SAP130: variants seen among roughly 807,000 people sequenced by gnomAD.
The protein encoded by SAP130 is histone deacetylase complex subunit SAP130.
A neutral mutation model predicts 103.2 loss-of-function variants in SAP130; 16 were observed. That is an observed-to-expected ratio of 0.16 (90% CI 0.10 to 0.24). The LOEUF (loss-of-function observed/expected upper bound fraction) is 0.24, where lower values mean the gene tolerates loss of function less well. Ranked by LOEUF, SAP130 falls within the 10% of genes least tolerant of loss-of-function variation. The pLI is 1.00. For missense variants in SAP130, 990 were observed against 1,359.7 expected (o/e 0.73, Z 4.28); for synonymous variants, 477 against 497.0 (o/e 0.96, Z 0.53).
chr2:127,973,947 T>C (rs1223815742), intron 15 of SAP130, among the ~76,000 whole-genome samples: 1 of 152,076 alleles, frequency 6.6e-6, no homozygotes, highest in Non-Finnish European at 1.5e-5. Context: ...TGGTGGCTCT[T>C]AAGTAGTCCT....
rs868828990 is a variant in SAP130, at chr2:127,978,033, C to A, written c.2015G>T (p.Arg672Leu). ...CGTACTCCGCATAGAGCTTTCCACT[C>A]GAGGACTAGCAACATCAGGAGGCTG... is the stretch of plus-strand genomic sequence containing the variant. ...PPQPPDVASP[R>L]VESSMRSTSG... is the part of the protein sequence containing the mutation. Residue 672 changes from arginine to leucine, a missense_variant, in exon 15 of 21, where the codon CGA (arginine) becomes CTA (leucine). Around this residue, in one of 6 missense-constraint regions of SAP130, gnomAD observed 349 missense variants for 384.1 expected, o/e 0.91. Transcript: ENST00000643581. 2 of 1,551,918 alleles carry A rather than the reference C, an allele frequency of 1.3e-6. No homozygotes were observed. Among genetic ancestry groups the A allele is most frequent in the Non-Finnish European group, 1.7e-6 (2 of 1,147,012 alleles).
intron 15 of SAP130, among the ~76,000 whole-genome samples, chr2:127,972,676 T>C (rs1324396909): frequency 6.6e-6 from 1 of 152,154 alleles, no homozygotes; most frequent in East Asian, 1.9e-4. Context: ...GAGAATCACC[T>C]GAGCCTGGGA....
intron 2 of SAP130, among the ~76,000 whole-genome samples, chr2:128,021,707 C>T (rs574601230): frequency 4.7e-4 from 71 of 152,212 alleles, no homozygotes; most frequent in African/African-American, 1.6e-3. Context: ...TTAACTTTGC[C>T]GAAGTCATTT....
intron 1 of SAP130, chr2:128,027,079 T>G: frequency 6.9e-7 from 1 of 1,441,184 alleles, no homozygotes; most frequent in Non-Finnish European, 9.2e-7. Context: ...AGACGAGCAC[T>G]GTGCCTCTTT....
rs541125233 is a variant in SAP130, at chr2:127,972,075, C to A, written c.2063+5910G>T. On this transcript the variant is annotated intron_variant, in intron 15 of 20. Transcript: ENST00000643581. ...TCACAATCCAAATGCTCTCTTCTTT[C>A]AGGTGCCACAGATTGACTACTGCAA... is the stretch of plus-strand genomic sequence containing the variant. Among the ~76,000 whole-genome samples the A allele has an allele frequency of 6.2e-4, 94 of 152,270 alleles. 1 individual carries two copies. In the South Asian group the frequency reaches 0.011, roughly 18 times the overall value.
In SAP130 at chr2:127,941,945, T is replaced by TCCCCCCC; in HGVS notation, c.*60_*61insGGGGGGG. 1.6e-5 allele frequency: 3 copies of TCCCCCCC among 187,868 alleles called. No homozygotes were observed. The highest frequency in any genetic ancestry group is 2.0e-5 in the Non-Finnish European group (2 of 99,932). The allele number at this position is 187,868 out of a possible 1,614,324, so 11.6% of individuals were successfully genotyped here. On this transcript the variant is annotated 3_prime_UTR_variant, in exon 21 of 21. Coordinates refer to ENST00000643581, the MANE Select transcript of SAP130 (RefSeq NM_001330301.2). ...TCCACTTTGGAAAAAACCAAAACCCTCCCCCCACCCCCACCATCATTCTTC... is the reference window on the plus strand; with the variant it reads ...TCCACTTTGGAAAAAACCAAAACCCTCCCCCCCCCCCCCACCCCCACCATCATTCTTC...
At position 127,942,196 on chromosome 2, in the gene SAP130, T is replaced by G; in HGVS notation, c.3016-32A>C. On this transcript the variant is annotated intron_variant, in intron 20 of 20. Transcript: ENST00000643581. This position sits in a 1 kb window ranked among gnomAD's most constrained non-coding sequence, Gnocchi z 4.8. ...CAGAAGACATTGCATCATCAATCAG[T>G]GACCATGAGGATAGTACAGCTTTTA... 6.4e-7 allele frequency: 1 copy of G among 1,564,792 alleles called. No homozygotes were observed. The highest frequency in any genetic ancestry group is 8.6e-7 in the Non-Finnish European group (1 of 1,158,300).
rs1370764679 is a variant in SAP130 at position 127,941,894 on chromosome 2, A to C, written c.*112T>G. On this transcript the variant is annotated 3_prime_UTR_variant, in exon 21 of 21. Coordinates refer to ENST00000643581, the MANE Select transcript of SAP130 (RefSeq NM_001330301.2). The stretch of plus-strand genomic sequence containing the variant: ...GTTCCTCTGCTTTCACACGGGAACT[A>C]AGGAACACTTCCTTTATTTCAATGT... The C allele has an allele frequency of 2.5e-5, 23 of 933,350 alleles. No homozygotes were observed. The highest frequency in any genetic ancestry group is 2.2e-4 in the Middle Eastern group (1 of 4,592). 57.8% of individuals were successfully genotyped at this position (933,350 alleles called of 1,614,324 possible).
chr2:128,007,084 GA>G (rs1193223145), intron 7 of SAP130, among the ~76,000 whole-genome samples: 1 of 152,120 alleles, frequency 6.6e-6, no homozygotes, highest in Non-Finnish European at 1.5e-5. Flanking sequence ...CAATGGAAAA[GA>G]TACTTTGACA....
intron 15 of SAP130, among the ~76,000 whole-genome samples, chr2:127,971,523 G>A (rs1270262812): frequency 6.6e-6 from 1 of 152,088 alleles, no homozygotes; most frequent in Non-Finnish European, 1.5e-5. Flanking sequence ...TCCTGACCTC[G>A]TGATCTACCC....
rs149707920 is a variant in SAP130 at position 128,021,619 on chromosome 2, A to G, written c.113-3704T>C. ...AGAATACCACCACTGGTTTACAAGAAAAGTTCAATAATTTTTTTACAAATA... is the reference window on the plus strand; with the variant it reads ...AGAATACCACCACTGGTTTACAAGAGAAGTTCAATAATTTTTTTACAAATA... On this transcript the variant is annotated intron_variant, in intron 2 of 20. Coordinates refer to ENST00000643581, the MANE Select transcript of SAP130 (RefSeq NM_001330301.2). Among the ~76,000 whole-genome samples the G allele has an allele frequency of 1.8e-4, 28 of 152,314 alleles. No homozygotes were observed. In the East Asian group the frequency reaches 5.4e-3, roughly 29 times the overall value.
At chr2:127,960,020 A>G (rs912821992) in intron 15 of SAP130, among the ~76,000 whole-genome samples, 1 of 152,180 alleles carries the variant, frequency 6.6e-6, no homozygotes, top group African/African-American at 2.4e-5. Flanking sequence ...CCTCCTGAGT[A>G]GCTGGGACTG....
At chr2:127,988,993 A>T (rs1278677982) in intron 13 of SAP130, among the ~76,000 whole-genome samples, 1 of 152,234 alleles carries the variant, frequency 6.6e-6, no homozygotes, top group South Asian at 2.1e-4. Flanking sequence ...ATCTTCAATG[A>T]GAATACTACT....
chr2:127,944,123 C>T (rs1371425940), intron 19 of SAP130, among the ~76,000 whole-genome samples: 1 of 152,034 alleles, frequency 6.6e-6, no homozygotes, highest in African/African-American at 2.4e-5. Flanking sequence ...CCTTGGTCTT[C>T]CGGGCTCAAG....
At position 127,942,593 on chromosome 2, in the gene SAP130, C is replaced by A. The variant is rs1438493164; in HGVS notation, c.2902-56G>T. On this transcript the variant is annotated intron_variant, in intron 19 of 20. Coordinates refer to ENST00000643581, the MANE Select transcript of SAP130 (RefSeq NM_001330301.2). The surrounding 1 kb of genome is among the most constrained non-coding windows in gnomAD (Gnocchi z 4.8). ...GCTCGGAAATATTTTTCTATGTCAA[C>A]CCCAGGCAAATGAACCCACCTTCAA... 9.1e-7 allele frequency: 1 copy of A among 1,104,700 alleles called. No homozygotes were observed. The highest frequency in any genetic ancestry group is 2.4e-5 in the East Asian group (1 of 42,484). 68.4% of individuals were successfully genotyped at this position (1,104,700 alleles called of 1,614,324 possible).
chr2:128,007,935 A>T (rs1684087648), intron 7 of SAP130, among the ~76,000 whole-genome samples: 1 of 152,202 alleles, frequency 6.6e-6, no homozygotes, highest in African/African-American at 2.4e-5. Context: ...AGATAAACTC[A>T]GTATCCCAAA....
intron 2 of SAP130, among the ~76,000 whole-genome samples, chr2:128,024,232 A>C (rs982815667): frequency 6.6e-6 from 1 of 152,106 alleles, no homozygotes. Context: ...TAATCCCAGA[A>C]TTTTGGGAGG....
intron 15 of SAP130, among the ~76,000 whole-genome samples, chr2:127,973,293 C>T (rs1403176426): frequency 6.6e-6 from 1 of 152,186 alleles, no homozygotes; most frequent in South Asian, 2.1e-4. Context: ...AGTGCAATGG[C>T]GTGATCTCTG....
In SAP130 at chr2:128,026,284, A is replaced by G; in HGVS notation, c.9T>C (p.Ser3=). 1.9e-6 allele frequency: 3 copies of G among 1,613,282 alleles called. No individual in the cohort carries two copies. The highest frequency in any genetic ancestry group is 1.1e-5 in the South Asian group (1 of 91,076). Residue 3 remains serine (S), a synonymous_variant, in exon 2 of 21, where the codon TCT becomes TCC. Transcript: ENST00000643581. MS[S]QQFPRLGAPS... ...GGGCTCCTAACCGAGGAAACTGTTG[A>G]GAACTCATTTCCACCTGTAGTACAT... is the stretch of plus-strand genomic sequence containing the variant.
Sources: gnomAD v4.1 joint callset for allele counts (sites outside exome capture counted in the v4.1 genomes callset) on GRCh38, gnomAD v4.1.1 for gene constraint, gnomAD v4.1.1 regional missense constraint, Gnocchi (gnomAD v3.1) non-coding constraint, MANE v1.5 for transcripts, NCBI Gene and HGNC (gene_info 2026-07-23, HGNC 2026-07-21) for gene names.